Variants in MSRA observed in about 807,000 individuals in gnomAD.
MSRA encodes the protein mitochondrial peptide methionine sulfoxide reductase.
A neutral mutation model predicts 31.3 loss-of-function variants in MSRA; 54 were observed. The observed-to-expected ratio is 1.73, with a 90% confidence interval of 1.39 to 2.17. The LOEUF (loss-of-function observed/expected upper bound fraction) is 2.17, where lower values mean the gene tolerates loss of function less well. MSRA is among the 30% of genes most tolerant of loss of function. The pLI is 0.00. For synonymous variants in MSRA, 169 were observed against 116.5 expected (o/e 1.45, Z -2.90); for missense variants, 507 against 300.9 (o/e 1.69, Z -5.07).
At chr8:10,283,158 A>ACTCTCTCTCTCTCTCT (rs1326482845) in intron 3 of MSRA, among the ~76,000 whole-genome samples, 46 of 82,672 alleles carry the variant, frequency 5.6e-4, no homozygotes, top group African/African-American at 2.1e-3. Context: ...ACACACACAC[A>ACTCTCTCTCTCTCTCT]CACTCTCACC....
chr8:10,096,592 G>T (rs572265315), intron 1 of MSRA, among the ~76,000 whole-genome samples: 2 of 152,272 alleles, frequency 1.3e-5, no homozygotes, highest in African/African-American at 2.4e-5. Flanking sequence ...ATAATTAAAC[G>T]ATTACTGTAG....
intron 1 of MSRA, among the ~76,000 whole-genome samples, chr8:10,190,320 C>T (rs12550389): frequency 2.0e-5 from 3 of 152,228 alleles, no homozygotes; most frequent in African/African-American, 7.2e-5. Context: ...GGCACCAGAG[C>T]CCCTGGGCCG....
intron 1 of MSRA, among the ~76,000 whole-genome samples, chr8:10,072,033 A>G (rs1402077042): frequency 6.6e-6 from 1 of 151,540 alleles, no homozygotes; most frequent in Non-Finnish European, 1.5e-5. Flanking sequence ...TTGTACTGCA[A>G]CTAAGGGACC....
At chr8:10,375,626 A>G (rs1335728202) in intron 5 of MSRA, among the ~76,000 whole-genome samples, 1 of 152,180 alleles carries the variant, frequency 6.6e-6, no homozygotes, top group Non-Finnish European at 1.5e-5. Context: ...GTTCCTGGGC[A>G]TTGGCTTGTC....
intron 5 of MSRA, among the ~76,000 whole-genome samples, chr8:10,395,269 A>C (rs1334669699): frequency 6.6e-6 from 1 of 152,156 alleles, no homozygotes; most frequent in African/African-American, 2.4e-5. Context: ...GTGCACACAC[A>C]CATTGCAAAG....
At chr8:10,364,989 A>G (rs537795641) in intron 5 of MSRA, among the ~76,000 whole-genome samples, 3 of 152,260 alleles carry the variant, frequency 2.0e-5, no homozygotes, top group South Asian at 4.1e-4. Flanking sequence ...TCTCGCTTAT[A>G]TAACACATTT....
chr8:10,262,294 A>C (rs1798524326), intron 3 of MSRA, among the ~76,000 whole-genome samples: 1 of 152,230 alleles, frequency 6.6e-6, no homozygotes, highest in South Asian at 2.1e-4. Flanking sequence ...CTTTGCCATA[A>C]ATTGTCAAAC....
At chr8:10,333,949 A>G (rs1802861749) in intron 5 of MSRA, among the ~76,000 whole-genome samples, 1 of 152,244 alleles carries the variant, frequency 6.6e-6, no homozygotes, top group South Asian at 2.1e-4. Context: ...GCATTTTCCC[A>G]TTCTCCAACA....
At chr8:10,273,360 A>G (rs1243809196) in intron 3 of MSRA, among the ~76,000 whole-genome samples, 1 of 152,126 alleles carries the variant, frequency 6.6e-6, no homozygotes, top group East Asian at 1.9e-4. Flanking sequence ...TACTTTATTC[A>G]CTTAGACATT....
At chr8:10,088,453 G>A (rs1458279959) in intron 1 of MSRA, among the ~76,000 whole-genome samples, 1 of 151,914 alleles carries the variant, frequency 6.6e-6, no homozygotes, top group African/African-American at 2.4e-5. Context: ...GGGAGGAACT[G>A]GCCAGGCGTG....
At chr8:10,324,228 A>G (rs1365167017) in intron 5 of MSRA, among the ~76,000 whole-genome samples, 1 of 152,102 alleles carries the variant, frequency 6.6e-6, no homozygotes, top group African/African-American at 2.4e-5. Context: ...TGAGGAACTG[A>G]ATCTTTTAAT....
chr8:10,329,366 G>A (rs549033897), intron 5 of MSRA, among the ~76,000 whole-genome samples: 2 of 152,290 alleles, frequency 1.3e-5, no homozygotes, highest in African/African-American at 2.4e-5. Flanking sequence ...TGCATGGCCT[G>A]TGGCTGCATC....
chr8:10,344,466 G>A (rs1416175297), intron 5 of MSRA, among the ~76,000 whole-genome samples: 1 of 151,200 alleles, frequency 6.6e-6, no homozygotes, highest in Non-Finnish European at 1.5e-5. Flanking sequence ...CCCAGCTACT[G>A]GGGAGGCTGA....
At chr8:10,182,801 G>C (rs1174864986) in intron 1 of MSRA, among the ~76,000 whole-genome samples, 1 of 152,140 alleles carries the variant, frequency 6.6e-6, no homozygotes, top group Non-Finnish European at 1.5e-5. Context: ...CAAAGCACCA[G>C]AGAGAGTGTC....
intron 1 of MSRA, among the ~76,000 whole-genome samples, chr8:10,133,870 G>T (rs141842164): frequency 1.3e-5 from 2 of 151,884 alleles, no homozygotes; most frequent in Non-Finnish European, 2.9e-5. Flanking sequence ...TCGCTCTGTC[G>T]CCCAGGCTGG....
rs184821113 is a variant in MSRA at position 10,398,768 on chromosome 8, C to T, written c.544-29380C>T. ...GTTTCTATTCAGATGAAAGGAAAAA[C>T]AGTACGAGGTTTTTCATTTCTTTTT... On this transcript the variant is annotated intron_variant, in intron 5 of 5. Coordinates refer to ENST00000317173, the MANE Select transcript of MSRA (RefSeq NM_012331.5). Among the ~76,000 whole-genome samples the T allele has an allele frequency of 3.6e-3, 545 of 152,330 alleles. 3 individuals are homozygous for T. The highest frequency in any genetic ancestry group is 6.6e-3 in the Admixed American group (101 of 15,306).
At chr8:10,391,313 A>C (rs1002431848) in intron 5 of MSRA, among the ~76,000 whole-genome samples, 2 of 152,162 alleles carry the variant, frequency 1.3e-5, no homozygotes, top group Non-Finnish European at 2.9e-5. Flanking sequence ...GACATATTCA[A>C]TGCTCTTGGC....
In MSRA at chr8:10,428,319, C is replaced by T; in HGVS notation, c.*7C>T. 3.7e-6 allele frequency: 6 copies of T among 1,611,890 alleles called. No homozygotes were observed. Among genetic ancestry groups the T allele is most frequent in the Non-Finnish European group, 4.2e-6 (5 of 1,179,570 alleles). The stretch of plus-strand genomic sequence containing the variant: ...AGTGGGTATTAAAAAATAATTTCTC[C>T]CCACATGGTGGGCCTTTGAGGTTCC... On this transcript the variant is annotated 3_prime_UTR_variant, in exon 6 of 6. Transcript: ENST00000317173.
At chr8:10,203,623 C>T (rs1023985704) in intron 1 of MSRA, among the ~76,000 whole-genome samples, 2 of 152,164 alleles carry the variant, frequency 1.3e-5, no homozygotes, top group East Asian at 1.9e-4. Context: ...TCAGCACATT[C>T]GATAATGTAT....
Sources: allele counts gnomAD v4.1 joint callset (sites outside exome capture counted in the v4.1 genomes callset), GRCh38; gene constraint gnomAD v4.1.1; transcripts MANE v1.5; gene names NCBI Gene and HGNC (gene_info 2026-07-23, HGNC 2026-07-21).